GRID1: variants seen among roughly 807,000 people sequenced by gnomAD.
GRID1 encodes the protein glutamate receptor ionotropic, delta-1.
Under a neutral mutation model 98.0 loss-of-function variants are expected in GRID1, and 28 were observed. That is an observed-to-expected ratio of 0.29 (90% CI 0.21 to 0.39). GRID1 has a LOEUF of 0.39. GRID1 is among the 10% of genes least tolerant of loss of function. The pLI is 1.00. For missense variants in GRID1, 1,111 were observed against 1,340.5 expected (o/e 0.83, Z 2.67); for synonymous variants, 553 against 538.5 (o/e 1.03, Z -0.37).
chr10:85,959,909 TCTCA>T (rs1429703947), intron 4 of GRID1, among the ~76,000 whole-genome samples: 3 of 152,124 alleles, frequency 2.0e-5, no homozygotes, highest in Non-Finnish European at 4.4e-5. Context: ...TAAGACAGGA[TCTCA>T]CTCTGTCACC....
chr10:85,610,747 T>C (rs1173024472), intron 15 of GRID1, among the ~76,000 whole-genome samples: 1 of 152,182 alleles, frequency 6.6e-6, no homozygotes, highest in Non-Finnish European at 1.5e-5. Context: ...GCCAGGTCTC[T>C]ATAGGCAGGC....
At chr10:86,263,381 G>A (rs1376840668) in intron 2 of GRID1, among the ~76,000 whole-genome samples, 3 of 152,194 alleles carry the variant, frequency 2.0e-5, no homozygotes, top group Admixed American at 1.3e-4. Flanking sequence ...ACGGCAGCGG[G>A]GAGGATCCCG....
At chr10:86,158,087 C>G (rs1424514815) in intron 3 of GRID1, among the ~76,000 whole-genome samples, 1 of 152,234 alleles carries the variant, frequency 6.6e-6, no homozygotes, top group Non-Finnish European at 1.5e-5. Context: ...TGCTTCTGCT[C>G]TGACACAGGC....
intron 4 of GRID1, among the ~76,000 whole-genome samples, chr10:86,056,353 C>G (rs1158922512): frequency 1.3e-5 from 2 of 152,206 alleles, no homozygotes; most frequent in African/African-American, 2.4e-5. Context: ...CAACAAAGAT[C>G]TCCCAAGGAA....
intron 8 of GRID1, among the ~76,000 whole-genome samples, chr10:85,779,799 T>C (rs750611750): frequency 1.3e-5 from 2 of 152,034 alleles, no homozygotes; most frequent in Non-Finnish European, 2.9e-5. Context: ...TGCAGCCCTG[T>C]GGAGATGAAG....
chr10:86,063,392 G>A (rs770603045), intron 4 of GRID1, among the ~76,000 whole-genome samples: 8 of 152,164 alleles, frequency 5.3e-5, no homozygotes, highest in Non-Finnish European at 1.2e-4. Flanking sequence ...ATGCCAGAAC[G>A]GGAACCTGAG....
chr10:85,807,610 T>C (rs1195440401), intron 8 of GRID1, among the ~76,000 whole-genome samples: 4 of 152,034 alleles, frequency 2.6e-5, no homozygotes, highest in African/African-American at 7.2e-5. Flanking sequence ...ATATGTTAAA[T>C]TAACATATGA....
intron 2 of GRID1, among the ~76,000 whole-genome samples, chr10:86,302,363 G>A (rs1847701369): frequency 6.6e-6 from 1 of 152,122 alleles, no homozygotes; most frequent in African/African-American, 2.4e-5. Flanking sequence ...AAGCACTCTG[G>A]GGTACTTTTT....
chr10:85,704,893 C>A (rs577448265), intron 12 of GRID1, among the ~76,000 whole-genome samples: 1 of 152,152 alleles, frequency 6.6e-6, no homozygotes, highest in Admixed American at 6.5e-5. Context: ...GAAAGGAAGG[C>A]AGAAATAAAG....
chr10:85,891,070 A>AT (rs900395516), intron 5 of GRID1, among the ~76,000 whole-genome samples: 4 of 152,196 alleles, frequency 2.6e-5, no homozygotes, highest in African/African-American at 9.6e-5. Context: ...CACTTTAATT[A>AT]TTTTGTTTGC....
intron 8 of GRID1, among the ~76,000 whole-genome samples, chr10:85,754,383 G>T (rs1157508360): frequency 6.6e-6 from 1 of 152,162 alleles, no homozygotes. Flanking sequence ...TGGTCTAGAA[G>T]GGAGAAAGAT....
chr10:85,997,353 C>A (rs911516828), intron 4 of GRID1, among the ~76,000 whole-genome samples: 2 of 151,302 alleles, frequency 1.3e-5, no homozygotes, highest in Non-Finnish European at 2.9e-5. Flanking sequence ...GAGCCAAGAT[C>A]GCGCCACTGT....
chr10:85,895,661 A>G (rs574156850), intron 5 of GRID1, among the ~76,000 whole-genome samples: 1 of 152,364 alleles, frequency 6.6e-6, no homozygotes, highest in Admixed American at 6.5e-5. Flanking sequence ...AATGGTTAAC[A>G]GAACCCATCT....
chr10:85,870,584 A>T (rs1438873636), intron 5 of GRID1, among the ~76,000 whole-genome samples: 1 of 152,240 alleles, frequency 6.6e-6, no homozygotes. Flanking sequence ...GAAACTTGCT[A>T]GCCAAAGTGC....
At chr10:85,760,128 C>T (rs1466069559) in intron 8 of GRID1, among the ~76,000 whole-genome samples, 1 of 152,184 alleles carries the variant, frequency 6.6e-6, no homozygotes, top group East Asian at 1.9e-4. Context: ...TATTTTACCT[C>T]AGTGAGAGGT....
chr10:86,313,335 G>T lies in GRID1; in HGVS notation c.235+50606C>A, dbSNP rs574562623. Among the ~76,000 whole-genome samples the T allele has an allele frequency of 6.6e-5, 10 of 152,360 alleles. No homozygotes were observed. In the South Asian group the frequency reaches 2.1e-3, roughly 32 times the overall value. ...GTCATCTTCACAACAACCCTGAGAT[G>T]TTGACAGATAAGGATACAGAGGTTC... On this transcript the variant is annotated intron_variant, in intron 2 of 15. Coordinates refer to ENST00000327946, the MANE Select transcript of GRID1 (RefSeq NM_017551.3).
intron 7 of GRID1, among the ~76,000 whole-genome samples, chr10:85,855,445 C>T (rs1843100551): frequency 6.6e-6 from 1 of 152,220 alleles, no homozygotes; most frequent in East Asian, 1.9e-4. Context: ...CTGCCCTGGG[C>T]TGTAGTAGAT....
chr10:85,625,885 C>T (rs867666857), intron 13 of GRID1, among the ~76,000 whole-genome samples: 1 of 152,218 alleles, frequency 6.6e-6, no homozygotes, highest in Non-Finnish European at 1.5e-5. Context: ...TTTGTTGCTC[C>T]ACTGATTCCA....
At chr10:85,976,235 G>C (rs1455300620) in intron 4 of GRID1, among the ~76,000 whole-genome samples, 2 of 152,138 alleles carry the variant, frequency 1.3e-5, no homozygotes, top group African/African-American at 2.4e-5. Context: ...ATCAAACTGT[G>C]ATCATTTCCT....
Sources: gnomAD v4.1 joint callset for allele counts (sites outside exome capture counted in the v4.1 genomes callset) on GRCh38, gnomAD v4.1.1 for gene constraint, MANE v1.5 for transcripts, NCBI Gene and HGNC (gene_info 2026-07-23, HGNC 2026-07-21) for gene names.